The following KLHL4 variants were observed in gnomAD, a reference collection of about 807,000 sequenced individuals.
The protein encoded by KLHL4 is kelch like family member 4, also known as kelch-like protein 4.
KLHL4 carries 17 observed loss-of-function variants against 45.8 expected under a neutral mutation model. The observed-to-expected ratio is 0.37, with a 90% CI of 0.25 to 0.56. The LOEUF (loss-of-function observed/expected upper bound fraction) is 0.56, where lower values mean the gene tolerates loss of function less well. KLHL4 is among the 20% of genes least tolerant of loss of function. The pLI is 0.79. For missense variants in KLHL4, 544 were observed against 544.9 expected, an observed-to-expected ratio of 1.00 and a Z score of 0.02; for synonymous variants, 224 against 189.9, an observed-to-expected ratio of 1.18 and a Z score of -1.47.
intron 1 of KLHL4, among the ~76,000 whole-genome samples, chrX:87,528,066 G>T (rs1048326358): frequency 9.0e-6 from 1 of 110,690 alleles, no homozygotes; most frequent in African/African-American, 3.3e-5. Context: ...TTTACAAAAT[G>T]CCTGAAAAAG....
chrX:87,603,776 GTACTT>G (rs775628227), intron 1 of KLHL4, among the ~76,000 whole-genome samples: 2 of 109,824 alleles, frequency 1.8e-5, no homozygotes, highest in East Asian at 5.8e-4. Context: ...CTAATATACA[GTACTT>G]TACAGTTAAC....
chrX:87,666,985 A>T lies in KLHL4; in HGVS notation c.*451A>T, dbSNP rs1374539677. ...AAAGGTAACATCTAAAGCTTAGAATAGTGTGATTTTTAGTAAGCCATTATT... is the reference window on the plus strand; with the variant it reads ...AAAGGTAACATCTAAAGCTTAGAATTGTGTGATTTTTAGTAAGCCATTATT... On this transcript the variant is annotated 3_prime_UTR_variant, in exon 11 of 11. Coordinates refer to ENST00000373119, the MANE Select transcript of KLHL4 (RefSeq NM_019117.5). 1.4e-6 allele frequency: 1 copy of T among 699,354 alleles called. No individual in the cohort carries two copies. Among genetic ancestry groups the T allele is most frequent in the Non-Finnish European group, 1.7e-6 (1 of 590,621 alleles). The allele number at this position is 699,354 out of a possible 1,213,427, so 57.6% of individuals were successfully genotyped here.
At position 87,641,650 on chromosome X, in the gene KLHL4, T is replaced by G. The variant is rs371253268; in HGVS notation, c.1925+5875T>G. On this transcript the variant is annotated intron_variant, in intron 9 of 10. Transcript: ENST00000373119. ...GAAGCAGGTATCCTGGGGCAAGTTT[T>G]CAAGCCCGTCTCGTCCTCTACCTGG... 1.2e-3 allele frequency among the ~76,000 whole-genome samples: 138 copies of G among 111,285 alleles called. 2 individuals are homozygous for G. In the South Asian group the frequency reaches 0.052, roughly 42 times the overall value.
rs958565348 is a variant in KLHL4, at chrX:87,603,767, T to G, written c.423-10110T>G. On this transcript the variant is annotated intron_variant, in intron 1 of 10. Coordinates refer to ENST00000373119, the MANE Select transcript of KLHL4 (RefSeq NM_019117.5). Reference sequence around the variant, plus strand: ...AAAAGCTTCTTTTCCAGCTATCTGCTAATATACAGTACTTTACAGTTAACC... The same window carrying G: ...AAAAGCTTCTTTTCCAGCTATCTGCGAATATACAGTACTTTACAGTTAACC... Among the ~76,000 whole-genome samples the G allele has an allele frequency of 1.2e-4, 13 of 110,442 alleles. No individual in the cohort carries two copies. In the Admixed American group the frequency reaches 1.3e-3, roughly 11 times the overall value.
intron 1 of KLHL4, among the ~76,000 whole-genome samples, chrX:87,608,246 C>A (rs755363366): frequency 4.2e-4 from 47 of 112,120 alleles, no homozygotes; most frequent in Non-Finnish European, 8.1e-4. Flanking sequence ...ACTTGTAATT[C>A]TTCTTCCCAT....
At chrX:87,639,035 C>A (rs1004387191) in intron 9 of KLHL4, among the ~76,000 whole-genome samples, 3 of 111,271 alleles carry the variant, frequency 2.7e-5, no homozygotes, top group African/African-American at 9.8e-5. Context: ...AAAAAATGAG[C>A]AGGAATAGCT....
chrX:87,603,435 G>A (rs977256358), intron 1 of KLHL4, among the ~76,000 whole-genome samples: 4 of 111,139 alleles, frequency 3.6e-5, no homozygotes, highest in African/African-American at 6.5e-5. Flanking sequence ...TGCTGCTGTC[G>A]TTAGTATTTT....
Position 87,545,116 on chromosome X carries a change from A to C in KLHL4, c.422+26801A>C, listed in dbSNP as rs190794142. Among the ~76,000 whole-genome samples the C allele has an allele frequency of 1.5e-3, 173 of 112,951 alleles. 2 individuals are homozygous for C. Among genetic ancestry groups the C allele is most frequent in the Admixed American group, 0.015 (155 of 10,678 alleles). ...TTTAGCAGATATTAAAAGAATTAAA[A>C]AGAATCAGCATAAATTATGCAGCTG... On this transcript the variant is annotated intron_variant, in intron 1 of 10. Coordinates refer to ENST00000373119, the MANE Select transcript of KLHL4 (RefSeq NM_019117.5).
chrX:87,669,223 T>G lies in KLHL4; in HGVS notation c.*2689T>G, dbSNP rs907347074. The G allele has an allele frequency of 9.0e-7, 1 of 1,116,097 alleles. No individual in the cohort carries two copies. The highest frequency in any genetic ancestry group is 1.2e-6 in the Non-Finnish European group (1 of 845,790). 92.0% of individuals were successfully genotyped at this position (1,116,097 alleles called of 1,213,427 possible). A position where few individuals can be genotyped will look rare whatever the true frequency, so the allele number is the denominator to read the frequency against. On this transcript the variant is annotated 3_prime_UTR_variant, in exon 11 of 11. Coordinates refer to ENST00000373119, the MANE Select transcript of KLHL4 (RefSeq NM_019117.5). ...AAAGACAATGTTGCTTCTTGATTTT[T>G]TTCTATAATCACTATGACCGTGTTC...
Position 87,668,580 on chromosome X carries a change from C to A in KLHL4, c.*2046C>A. On this transcript the variant is annotated 3_prime_UTR_variant, in exon 11 of 11. Coordinates refer to ENST00000373119, the MANE Select transcript of KLHL4 (RefSeq NM_019117.5). ...AAACTTAACTCCTAATGTAGCAGTA[C>A]TGAGAGGCAGGGCCCTTAAGAGGTG... 1 of 511,812 alleles carries A rather than the reference C, an allele frequency of 2.0e-6. No homozygotes were observed. Among genetic ancestry groups the A allele is most frequent in the Non-Finnish European group, 2.4e-6 (1 of 418,239 alleles). 42.2% of individuals were successfully genotyped at this position (511,812 alleles called of 1,213,427 possible).
chrX:87,625,842 AACAGCCTCCAAATT>A, intron 6 of KLHL4, 46 bp downstream of exon 6: 11 of 1,004,380 alleles, frequency 1.1e-5, no homozygotes, highest in Non-Finnish European at 1.5e-5. Context: ...ATACATTCTT[AACAGCCTCCAAATT>A]ATAAGGGTGA....
intron 1 of KLHL4, among the ~76,000 whole-genome samples, chrX:87,545,476 G>A (rs915340120): frequency 4.8e-5 from 5 of 104,478 alleles, no homozygotes; most frequent in Admixed American, 1.1e-4. Flanking sequence ...CATGTAAGAC[G>A]TGCCTGCCTC....
At chrX:87,590,553 C>A (rs1026000503) in intron 1 of KLHL4, among the ~76,000 whole-genome samples, 1 of 111,312 alleles carries the variant, frequency 9.0e-6, no homozygotes, top group African/African-American at 3.3e-5. Context: ...GAATGAACAA[C>A]AAAGCTGGAA....
At chrX:87,621,869 C>T (rs1922762324) in intron 4 of KLHL4, among the ~76,000 whole-genome samples, 1 of 111,659 alleles carries the variant, frequency 9.0e-6, no homozygotes, top group Non-Finnish European at 1.9e-5. Flanking sequence ...ACCAACCAGA[C>T]AGTCAGCTCT....
intron 1 of KLHL4, among the ~76,000 whole-genome samples, chrX:87,533,193 G>A (rs1181333683): frequency 3.6e-5 from 4 of 109,841 alleles, no homozygotes; most frequent in African/African-American, 1.3e-4. Flanking sequence ...ATCCAGTCAT[G>A]CCATTACTGG....
chrX:87,562,820 G>A (rs1381761675), intron 1 of KLHL4, among the ~76,000 whole-genome samples: 1 of 111,701 alleles, frequency 9.0e-6, no homozygotes, highest in African/African-American at 3.3e-5. Flanking sequence ...AAAACAAATA[G>A]TGTGCTGGCT....
intron 9 of KLHL4, among the ~76,000 whole-genome samples, chrX:87,659,827 G>A (rs1476387644): frequency 4.5e-5 from 5 of 111,236 alleles, no homozygotes; most frequent in African/African-American, 1.6e-4. Context: ...TTTCAGGACT[G>A]GCTTCATGCA....
chrX:87,531,021 C>T (rs926302721), intron 1 of KLHL4, among the ~76,000 whole-genome samples: 9 of 112,102 alleles, frequency 8.0e-5, no homozygotes, highest in Non-Finnish European at 1.5e-4. Context: ...CTGATGTCAG[C>T]GATGGTGAGC....
chrX:87,611,285 G>A (rs1922362418), intron 1 of KLHL4, among the ~76,000 whole-genome samples: 1 of 111,198 alleles, frequency 9.0e-6, no homozygotes. Context: ...TATTTTTCAA[G>A]TGTTAACATC....
Sources: allele counts gnomAD v4.1 joint callset (sites outside exome capture counted in the v4.1 genomes callset), GRCh38; gene constraint gnomAD v4.1.1; transcripts MANE v1.5; gene names NCBI Gene and HGNC (gene_info 2026-07-23, HGNC 2026-07-21).